Variants in VPS13B observed in about 807,000 individuals in gnomAD.
The protein encoded by VPS13B is vacuolar protein sorting 13 homolog B.
A neutral mutation model predicts 426.4 loss-of-function variants in VPS13B; 285 were observed. The observed-to-expected ratio is 0.67, with a 90% CI of 0.61 to 0.74. The LOEUF (loss-of-function observed/expected upper bound fraction) is 0.74, where lower values mean the gene tolerates loss of function less well. Ranked by LOEUF, VPS13B falls within the 30% of genes least tolerant of loss-of-function variation. VPS13B has a pLI of 0.00. For synonymous variants in VPS13B, 1,676 were observed against 1,676.4 expected (o/e 1.00, Z 0.01); for missense variants, 4,537 against 4,782.6 (o/e 0.95, Z 1.51).
intron 17 of VPS13B, among the ~76,000 whole-genome samples, chr8:99,205,854 C>T (rs935598125): frequency 2.0e-5 from 3 of 152,088 alleles, no homozygotes; most frequent in Non-Finnish European, 4.4e-5. Flanking sequence ...ACCATTATGT[C>T]TGCAATACCA....
intron 35 of VPS13B, among the ~76,000 whole-genome samples, chr8:99,668,960 T>C (rs984690816): frequency 1.3e-5 from 2 of 152,120 alleles, no homozygotes; most frequent in African/African-American, 4.8e-5. Flanking sequence ...TGTGAAGCCA[T>C]AATAAATCCA....
intron 39 of VPS13B, among the ~76,000 whole-genome samples, chr8:99,750,564 T>C (rs1352734303): frequency 6.6e-6 from 1 of 152,114 alleles, no homozygotes; most frequent in Non-Finnish European, 1.5e-5. Flanking sequence ...GGGCTTTACG[T>C]GAGCAGGCTG....
chr8:99,548,310 T>C (rs144579633), intron 30 of VPS13B, among the ~76,000 whole-genome samples: 2 of 152,176 alleles, frequency 1.3e-5, no homozygotes, highest in African/African-American at 2.4e-5. Context: ...TTTTAAGTTA[T>C]AAAGTTCTTT....
rs181813758 is a variant in VPS13B, at chr8:99,670,024, T to G, written c.6046+8533T>G. On this transcript the variant is annotated intron_variant, in intron 35 of 61. Transcript: ENST00000357162. ...TAGGTACAGTAACACAGCATTCAAA[T>G]AGGTTTGTTTATATGAATATAAAGT... Among the ~76,000 whole-genome samples the G allele has an allele frequency of 1.2e-3, 180 of 152,194 alleles. 1 individual carries two copies. Among genetic ancestry groups the G allele is most frequent in the Middle Eastern group, 3.4e-3 (1 of 294 alleles).
intron 2 of VPS13B, among the ~76,000 whole-genome samples, chr8:99,033,864 C>T (rs184647802): frequency 1.3e-5 from 2 of 152,012 alleles, no homozygotes; most frequent in Non-Finnish European, 2.9e-5. Context: ...CCATTGCACT[C>T]CAGCCTGGGT....
chr8:99,512,801 A>G (rs890341061), intron 29 of VPS13B, among the ~76,000 whole-genome samples: 5 of 152,132 alleles, frequency 3.3e-5, no homozygotes, highest in African/African-American at 1.2e-4. Context: ...TGAGGTCAGG[A>G]GTTTGAGACC....
intron 14 of VPS13B, among the ~76,000 whole-genome samples, chr8:99,156,339 A>T (rs991167508): frequency 6.6e-6 from 1 of 152,250 alleles, no homozygotes; most frequent in Non-Finnish European, 1.5e-5. Context: ...TTTGCAAAAA[A>T]TATGCATTCT....
At chr8:99,864,325 G>T (rs1044299049) in intron 58 of VPS13B, among the ~76,000 whole-genome samples, 2 of 152,178 alleles carry the variant, frequency 1.3e-5, no homozygotes, top group South Asian at 4.1e-4. Flanking sequence ...AAAGCAAGTG[G>T]ATTGCTTGAG....
chr8:99,391,757 G>A (rs1814460936), intron 21 of VPS13B, 53 bp downstream of exon 21: 3 of 1,592,040 alleles, frequency 1.9e-6, no homozygotes, highest in Non-Finnish European at 2.6e-6. Context: ...TTCTAAGCTA[G>A]CAAGTTAGCA....
At chr8:99,659,561 G>T (rs1830145197) in intron 34 of VPS13B, among the ~76,000 whole-genome samples, 1 of 152,044 alleles carries the variant, frequency 6.6e-6, no homozygotes, top group Non-Finnish European at 1.5e-5. Flanking sequence ...ACATTATTTT[G>T]CTACTTGGAA....
intron 30 of VPS13B, among the ~76,000 whole-genome samples, chr8:99,548,160 A>G (rs1423697429): frequency 6.6e-6 from 1 of 152,110 alleles, no homozygotes; most frequent in Non-Finnish European, 1.5e-5. Flanking sequence ...TCATTCTATT[A>G]GAATTCTTTG....
chr8:99,055,044 G>GTT (rs397779213), intron 3 of VPS13B, among the ~76,000 whole-genome samples: 92,282 of 141,698 alleles, frequency 0.65, 30,313 homozygotes, highest in South Asian at 0.78. Context: ...TTTTTTTTTT[G>GTT]TTTTTTTTTT....
intron 17 of VPS13B, among the ~76,000 whole-genome samples, chr8:99,230,674 G>A (rs535638748): frequency 1.4e-4 from 21 of 152,264 alleles, no homozygotes; most frequent in Admixed American, 1.0e-3. Flanking sequence ...GGGGAACACC[G>A]GTAGAACTTG....
At position 99,248,880 on chromosome 8, in the gene VPS13B, C is replaced by G. The variant is rs1003338945; in HGVS notation, c.2516-25318C>G. Among the ~76,000 whole-genome samples the G allele has an allele frequency of 2.2e-4, 34 of 152,232 alleles. 1 individual carries two copies. The highest frequency in any genetic ancestry group is 6.0e-4 in the African/African-American group (25 of 41,544). On this transcript the variant is annotated intron_variant, in intron 17 of 61. Transcript: ENST00000357162. Reference sequence around the variant, plus strand: ...TTCTCCCCCACTCCCAAGCCCACTTCCCCTTATTAGGTGACATTTACATAC... The same window carrying G: ...TTCTCCCCCACTCCCAAGCCCACTTGCCCTTATTAGGTGACATTTACATAC...
chr8:99,589,280 G>C (rs935866819), intron 33 of VPS13B, among the ~76,000 whole-genome samples: 2 of 151,548 alleles, frequency 1.3e-5, no homozygotes, highest in African/African-American at 2.4e-5. Context: ...GTGTATATAT[G>C]TGCCATGTTG....
At chr8:99,318,156 A>G (rs2029596) in intron 19 of VPS13B, among the ~76,000 whole-genome samples, 111,813 of 152,124 alleles carry the variant, frequency 0.74, 41,835 homozygotes, top group South Asian at 0.87. Flanking sequence ...TGGATGGGGT[A>G]ATATTTGAGT....
chr8:99,084,066 G>A (rs1356569937), intron 3 of VPS13B, among the ~76,000 whole-genome samples: 16 of 152,182 alleles, frequency 1.1e-4, no homozygotes, highest in Admixed American at 4.6e-4. Context: ...GGTAGAATTC[G>A]GCCGTGAATC....
intron 19 of VPS13B, among the ~76,000 whole-genome samples, chr8:99,383,059 G>T (rs1330750632): frequency 1.3e-5 from 2 of 152,150 alleles, no homozygotes; most frequent in Non-Finnish European, 2.9e-5. Flanking sequence ...TACAATTACA[G>T]AAACTTATTT....
chr8:99,387,243 G>A (rs1200676524), intron 20 of VPS13B, among the ~76,000 whole-genome samples: 1 of 151,626 alleles, frequency 6.6e-6, no homozygotes, highest in Admixed American at 6.6e-5. Context: ...TTCCACACAG[G>A]TTCTTGCTCT....
Sources: allele counts gnomAD v4.1 joint callset (sites outside exome capture counted in the v4.1 genomes callset), GRCh38; gene constraint gnomAD v4.1.1; transcripts MANE v1.5; gene names NCBI Gene and HGNC (gene_info 2026-07-23, HGNC 2026-07-21).